MATR3: variants seen among roughly 807,000 people sequenced by gnomAD.
The protein encoded by MATR3 is matrin 3.
Under a neutral mutation model 85.5 loss-of-function variants are expected in MATR3, and 4 were observed. The ratio of observed to expected loss-of-function variants is 0.05; its 90% CI spans 0.02 to 0.11. MATR3 has a LOEUF of 0.11. Ranked by LOEUF, MATR3 falls within the 10% of genes least tolerant of loss-of-function variation. The pLI, the probability that MATR3 is intolerant of heterozygous loss-of-function variation, is 1.00. For synonymous variants in MATR3, 336 were observed against 343.1 expected, an observed-to-expected ratio of 0.98 and a Z score of 0.23; for missense variants, 685 against 1,016.1, an observed-to-expected ratio of 0.67 and a Z score of 4.43.
At chr5:139,278,277 T>C (rs1753373999) in intron 2 of MATR3, 1 of 453,224 alleles carries the variant, frequency 2.2e-6, no homozygotes, top group Non-Finnish European at 4.4e-6. Flanking sequence ...CATTGCTATT[T>C]ATTATATTCT....
At chr5:139,287,101 G>C (rs560148471) in intron 3 of MATR3, among the ~76,000 whole-genome samples, 6 of 152,190 alleles carry the variant, frequency 3.9e-5, no homozygotes, top group Non-Finnish European at 8.8e-5. Flanking sequence ...CCATTTTGTC[G>C]TCTTTTAGGA....
In MATR3 at chr5:139,329,870, A is replaced by T; in HGVS notation, c.*475A>T. ...TTTGAACCCGTTTTGGTTGCATTTC[A>T]TTTTTGGAGAACTTAATTAACGTGA... is the stretch of plus-strand genomic sequence containing the variant. On this transcript the variant is annotated 3_prime_UTR_variant, in exon 15 of 15. Coordinates refer to ENST00000394805, the MANE Select transcript of MATR3 (RefSeq NM_018834.6). 1 of 454,520 alleles carries T rather than the reference A, an allele frequency of 2.2e-6. No individual in the cohort carries two copies. Among genetic ancestry groups the T allele is most frequent in the Non-Finnish European group, 4.4e-6 (1 of 226,782 alleles). 28.2% of individuals were successfully genotyped at this position (454,520 alleles called of 1,614,324 possible). A position where few individuals can be genotyped will look rare whatever the true frequency, so the allele number is the denominator to read the frequency against.
intron 3 of MATR3, among the ~76,000 whole-genome samples, chr5:139,280,957 A>T (rs1345760290): frequency 4.8e-5 from 7 of 146,088 alleles, no homozygotes; most frequent in South Asian, 4.4e-4. Flanking sequence ...ATCCCTGTCG[A>T]TTTTTTTTTT....
At chr5:139,284,876 A>G (rs1753653243) in intron 3 of MATR3, among the ~76,000 whole-genome samples, 1 of 152,246 alleles carries the variant, frequency 6.6e-6, no homozygotes, top group Non-Finnish European at 1.5e-5. Flanking sequence ...CTGGGGTTCT[A>G]TAAAAAATAA....
chr5:139,306,480 G>GT (rs2151957547), intron 1 of MATR3, among the ~76,000 whole-genome samples: 1 of 152,152 alleles, frequency 6.6e-6, no homozygotes, highest in African/African-American at 2.4e-5. Context: ...CTGTACCTAG[G>GT]TTTTTTCTTG....
intron 1 of MATR3, among the ~76,000 whole-genome samples, chr5:139,301,080 G>A (rs1349297253): frequency 6.6e-6 from 1 of 152,130 alleles, no homozygotes; most frequent in Non-Finnish European, 1.5e-5. Flanking sequence ...TTCCCAAAGT[G>A]CTAGGATTAC....
At chr5:139,281,427 C>T (rs1257776115) in intron 3 of MATR3, among the ~76,000 whole-genome samples, 1 of 149,036 alleles carries the variant, frequency 6.7e-6, no homozygotes, top group East Asian at 2.0e-4. Context: ...ACTGCAACCT[C>T]CACCTCCTGG....
Position 139,325,310 on chromosome 5 carries a change from G to A in MATR3, c.2149-130G>A, listed in dbSNP as rs1313276587. ...TTTCTTAACAGCGTCGTTTTCCAGG[G>A]AGTATGGAAGGTTTTGTCACTCTAG... On this transcript the variant is annotated intron_variant, in intron 12 of 14. Transcript: ENST00000394805. The A allele has an allele frequency of 4.5e-6, 7 of 1,561,712 alleles. No homozygotes were observed. The South Asian group carries it at 8.2e-5, about 18-fold the overall frequency.
intron 14 of MATR3, among the ~76,000 whole-genome samples, chr5:139,327,732 T>C (rs1479601519): frequency 6.6e-6 from 1 of 152,098 alleles, no homozygotes; most frequent in Non-Finnish European, 1.5e-5. Flanking sequence ...GGTACAAATA[T>C]TTTTATCTGC....
chr5:139,327,172 G>C (rs534432791), intron 14 of MATR3, among the ~76,000 whole-genome samples: 3 of 152,038 alleles, frequency 2.0e-5, no homozygotes, highest in Admixed American at 2.0e-4. Flanking sequence ...TAGATACCTT[G>C]GTTTTTCACA....
chr5:139,315,781 T>G, intron 4 of MATR3, 43 bp downstream of exon 4: 1 of 1,451,040 alleles, frequency 6.9e-7, no homozygotes, highest in African/African-American at 1.4e-5. Flanking sequence ...AGGAGATCAA[T>G]GTAAGGAATT....
rs181733696 is a variant in MATR3, at chr5:139,309,587, A to C, written c.912+1260A>C. Among the ~76,000 whole-genome samples the C allele has an allele frequency of 4.6e-5, 7 of 152,248 alleles. No individual in the cohort carries two copies. In the East Asian group the frequency reaches 1.3e-3, roughly 29 times the overall value. On this transcript the variant is annotated intron_variant, in intron 2 of 14. Coordinates refer to ENST00000394805, the MANE Select transcript of MATR3 (RefSeq NM_018834.6). The stretch of plus-strand genomic sequence containing the variant: ...GTCTTTTAATCTTTAATCTGTACCA[A>C]AGTAAATTAACATAAATGCTAAATT...
In MATR3 at chr5:139,325,627, A is replaced by G. The variant is rs1278385135; in HGVS notation, c.2336A>G (p.Tyr779Cys). The change falls in exon 13 of 15, where the codon TAT (tyrosine) becomes TGT (cysteine). Residue 779 changes from tyrosine to cysteine, a missense_variant. Physicochemically the swap from Tyr to Cys is radical, Grantham distance 194. Around this residue, in one of 9 missense-constraint regions of MATR3, gnomAD observed 45 missense variants for 82.5 expected, o/e 0.55. Coordinates refer to ENST00000394805, the MANE Select transcript of MATR3 (RefSeq NM_018834.6). ...GACGACTATACAATCCCAGATGAGT[A>G]TAGAATTGGACCATATCAGCCCAAT... ...NKDDYTIPDE[Y>C]RIGPYQPNVP... 1 of 1,614,102 alleles carries G rather than the reference A, an allele frequency of 6.2e-7. No homozygotes were observed. Among genetic ancestry groups the G allele is most frequent in the Non-Finnish European group, 8.5e-7 (1 of 1,180,048 alleles).
At chr5:139,306,444 TC>T (rs1754710932) in intron 1 of MATR3, among the ~76,000 whole-genome samples, 1 of 152,124 alleles carries the variant, frequency 6.6e-6, no homozygotes, top group South Asian at 2.1e-4. Context: ...TTTGGGGAGT[TC>T]CCTTCTTTAA....
At chr5:139,322,410 A>G (rs528932363) in intron 10 of MATR3, 53 bp from the exon 11 acceptor site, 1 of 1,466,098 alleles carries the variant, frequency 6.8e-7, no homozygotes, top group Non-Finnish European at 9.5e-7. Flanking sequence ...AATTCACTGG[A>G]TAATTGTGTA....
intron 3 of MATR3, chr5:139,282,813 C>T (rs1753578405): frequency 1.3e-5 from 2 of 152,222 alleles, no homozygotes; most frequent in Admixed American, 1.3e-4. Context: ...TTTTTAATGA[C>T]CTTGACAGTT....
At chr5:139,287,600 C>T (rs925464699) in intron 3 of MATR3, among the ~76,000 whole-genome samples, 1 of 151,782 alleles carries the variant, frequency 6.6e-6, no homozygotes, top group Non-Finnish European at 1.5e-5. Flanking sequence ...GCCTGGGCAA[C>T]GAGCAAAACT....
At position 139,293,779 on chromosome 5, in the gene MATR3, C is replaced by T. The variant is rs562981246; in HGVS notation, c.-204C>T. The T allele has an allele frequency of 2.0e-5, 8 of 395,166 alleles. No individual in the cohort carries two copies. The South Asian group carries it at 6.9e-4, about 34-fold the overall frequency. The allele number at this position is 395,166 out of a possible 1,614,324, so 24.5% of individuals were successfully genotyped here. A position where few individuals can be genotyped will look rare whatever the true frequency, so the allele number is the denominator to read the frequency against. On this transcript the variant is annotated 5_prime_UTR_variant, in exon 1 of 15. Transcript: ENST00000394805. ...CCCGCTCGCTGGGAGAGAGGTACCT[C>T]TCCTTTTCCCTCTCCCTTTCCCTAA...
Position 139,325,659 on chromosome 5 carries a change from G to A in MATR3, c.2368G>A (p.Val790Ile). The A allele has an allele frequency of 2.5e-6, 4 of 1,613,374 alleles. No homozygotes were observed. Among genetic ancestry groups the A allele is most frequent in the Non-Finnish European group, 2.5e-6 (3 of 1,179,300 alleles). ...TGGACCATATCAGCCCAATGTTCCT[G>A]TTGGTGAGATTTAAGTCTTTGTTCT... ...RIGPYQPNVP[V>I]GIDYVIPKTG... Residue 790 changes from valine (V) to isoleucine (I), a missense_variant, in exon 13 of 15, where the codon GTT (valine) becomes ATT (isoleucine). Val to Ile is a conservative substitution (Grantham distance 29). This residue lies in a region of MATR3 where 45 missense variants were observed against 82.5 expected (regional missense o/e 0.55). Coordinates refer to ENST00000394805, the MANE Select transcript of MATR3 (RefSeq NM_018834.6).
Sources: gnomAD v4.1 joint callset for allele counts (sites outside exome capture counted in the v4.1 genomes callset) on GRCh38, gnomAD v4.1.1 for gene constraint, gnomAD v4.1.1 regional missense constraint, MANE v1.5 for transcripts, NCBI Gene and HGNC (gene_info 2026-07-23, HGNC 2026-07-21) for gene names.